SLC26A5: variants seen among roughly 807,000 people sequenced by gnomAD.
SLC26A5 encodes prestin.
A neutral mutation model predicts 81.0 loss-of-function variants in SLC26A5; 51 were observed. The observed-to-expected ratio is 0.63, with a 90% CI of 0.50 to 0.80. The LOEUF (loss-of-function observed/expected upper bound fraction) is 0.80, where lower values mean the gene tolerates loss of function less well. SLC26A5 is among the 30% of genes least tolerant of loss of function. The probability of loss-of-function intolerance (pLI) is 0.00; values close to 1 mark genes in which losing one functional copy is unlikely to be tolerated. For synonymous variants in SLC26A5, 325 were observed against 332.8 expected, an observed-to-expected ratio of 0.98 and a Z score of 0.25; for missense variants, 771 against 905.8, an observed-to-expected ratio of 0.85 and a Z score of 1.91.
intron 14 of SLC26A5, among the ~76,000 whole-genome samples, chr7:103,384,310 G>A (rs1169505289): frequency 1.3e-5 from 2 of 151,544 alleles, no homozygotes; most frequent in African/African-American, 4.8e-5. Flanking sequence ...TTTTGAAGAT[G>A]GATTATAAAA....
chr7:103,437,040 A>G (rs1826501673), intron 2 of SLC26A5, among the ~76,000 whole-genome samples: 1 of 152,234 alleles, frequency 6.6e-6, no homozygotes, highest in African/African-American at 2.4e-5. Flanking sequence ...CACACATCTG[A>G]CAAGTGCTTA....
At chr7:103,416,027 T>G (rs887162295) in intron 4 of SLC26A5, among the ~76,000 whole-genome samples, 2 of 152,200 alleles carry the variant, frequency 1.3e-5, no homozygotes, top group African/African-American at 4.8e-5. Context: ...CAACCCTGAC[T>G]AAATATTTAT....
chr7:103,424,125 CAG>C (rs1158169550), intron 2 of SLC26A5, among the ~76,000 whole-genome samples: 1 of 152,138 alleles, frequency 6.6e-6, no homozygotes, highest in African/African-American at 2.4e-5. Flanking sequence ...TGTGCCCATC[CAG>C]AGTTTCAATT....
rs1822459230 is a variant in SLC26A5, at chr7:103,389,380, A to C, written c.1356T>G (p.Phe452Leu). The change falls in exon 13 of 20, where the codon TTT becomes TTG. Residue 452 changes from phenylalanine (F) to leucine (L), a missense_variant. Physicochemically the swap from Phe to Leu is conservative, Grantham distance 22. Coordinates refer to ENST00000306312, the MANE Select transcript of SLC26A5 (RefSeq NM_198999.3). ...AIVIVNLKGMFMQFSDLPFFW... is the reference protein window; with the variant it reads ...AIVIVNLKGMLMQFSDLPFFW... Reference sequence around the variant, plus strand: ...AAAAGGGGAGATCTGAGAACTGCATAAACATTCCCTTCAGGTTGACAATCA... The same window carrying C: ...AAAAGGGGAGATCTGAGAACTGCATCAACATTCCCTTCAGGTTGACAATCA... 1 of 1,614,038 alleles carries C rather than the reference A, an allele frequency of 6.2e-7. No homozygotes were observed. The highest frequency in any genetic ancestry group is 1.7e-5 in the Admixed American group (1 of 59,998).
intron 2 of SLC26A5, among the ~76,000 whole-genome samples, chr7:103,425,018 G>C (rs570574643): frequency 6.6e-6 from 1 of 152,220 alleles, no homozygotes; most frequent in African/African-American, 2.4e-5. Flanking sequence ...TAGCATAGCA[G>C]AGAAAACACT....
intron 11 of SLC26A5, among the ~76,000 whole-genome samples, chr7:103,390,985 C>T: frequency 6.6e-6 from 1 of 151,998 alleles, no homozygotes; most frequent in East Asian, 1.9e-4. Flanking sequence ...CCCGCCTCAG[C>T]CTCCCAAGTA....
At chr7:103,375,683 C>G (rs1290984787) in intron 19 of SLC26A5, among the ~76,000 whole-genome samples, 3 of 152,128 alleles carry the variant, frequency 2.0e-5, no homozygotes, top group Admixed American at 1.3e-4. Context: ...ATCCTCCTAC[C>G]TTGGCCTCCC....
At position 103,421,384 on chromosome 7, in the gene SLC26A5, T is replaced by A; in HGVS notation, c.131A>T (p.Asp44Val). Residue 44 changes from aspartate (D) to valine (V), a missense_variant, in exon 3 of 20, where the codon GAT becomes GTT. Physicochemically the swap from Asp to Val is radical, Grantham distance 152. Coordinates refer to ENST00000306312, the MANE Select transcript of SLC26A5 (RefSeq NM_198999.3). ...TKDKVPDSIA[D>V]KLKQAFTCTP... ...GTACGTGAATGCCTGTTTCAGCTTA[T>A]CCGCAATGGAATCAGGAACCTTGTC... 1 of 1,614,080 alleles carries A rather than the reference T, an allele frequency of 6.2e-7. No homozygotes were observed. Among genetic ancestry groups the A allele is most frequent in the Non-Finnish European group, 8.5e-7 (1 of 1,179,974 alleles).
intron 19 of SLC26A5, chr7:103,362,004 T>C: frequency 6.2e-7 from 1 of 1,613,912 alleles, no homozygotes; most frequent in Non-Finnish European, 8.5e-7. Context: ...AAATACATTA[T>C]CAACGTAAAG....
intron 9 of SLC26A5, among the ~76,000 whole-genome samples, chr7:103,397,673 C>G (rs1396340670): frequency 1.4e-5 from 2 of 147,678 alleles, no homozygotes; most frequent in African/African-American, 5.0e-5. Flanking sequence ...GCAGAGAAGG[C>G]GCCACTGCAC....
Position 103,367,639 on chromosome 7 carries a change from GA to G in SLC26A5, c.2041+9168del, listed in dbSNP as rs747103412. On this transcript the variant is annotated intron_variant, in intron 19 of 19. Transcript: ENST00000339444. The surrounding 1 kb of genome is among the most constrained non-coding windows in gnomAD (Gnocchi z 6.1). ...AGGTAAGAAAACCATTTCATTTTAG[GA>G]AAGGGATTTTTGAAGTTTTTTCTTC... 2.7e-5 allele frequency: 44 copies of G among 1,609,992 alleles called. 1 individual carries two copies. In the South Asian group the frequency reaches 4.9e-4, roughly 18 times the overall value.
intron 19 of SLC26A5, chr7:103,353,976 C>G (rs1254318600): frequency 1.0e-5 from 16 of 1,554,926 alleles, no homozygotes; most frequent in Non-Finnish European, 1.2e-5. Context: ...CTTTCAGTGT[C>G]TACAAACTAT....
chr7:103,421,402 A>G lies in SLC26A5; in HGVS notation c.113T>C (p.Val38Ala). ...CAGCTTATCCGCAATGGAATCAGGA[A>G]CCTTGTCCTTTGTGTGTAGTCTTTC... Reference protein sequence around the residue: ...LQERLHTKDKVPDSIADKLKQ... With the variant: ...LQERLHTKDKAPDSIADKLKQ... The change falls in exon 3 of 20, where the codon GTT becomes GCT. Residue 38 changes from valine to alanine, a missense_variant. Transcript: ENST00000306312. 1.2e-6 allele frequency: 2 copies of G among 1,614,102 alleles called. No individual in the cohort carries two copies. The highest frequency in any genetic ancestry group is 2.2e-5 in the South Asian group (2 of 91,090).
At chr7:103,414,963 T>TTTA (rs1169093598) in intron 4 of SLC26A5, among the ~76,000 whole-genome samples, 4 of 152,166 alleles carry the variant, frequency 2.6e-5, no homozygotes, top group African/African-American at 9.7e-5. Flanking sequence ...TCATATATTC[T>TTTA]GTTAAAGTGA....
chr7:103,355,880 A>G, intron 19 of SLC26A5: 1 of 894,620 alleles, frequency 1.1e-6, no homozygotes, highest in Non-Finnish European at 1.6e-6. Flanking sequence ...GCAATAGTTC[A>G]TAAATAATTT....
At chr7:103,354,629 T>C (rs1164130247) in intron 19 of SLC26A5, among the ~76,000 whole-genome samples, 4 of 152,026 alleles carry the variant, frequency 2.6e-5, no homozygotes, top group Non-Finnish European at 5.9e-5. Flanking sequence ...CTCCGCCCCC[T>C]AAAGTGCAGG....
At chr7:103,410,918 C>G (rs367738859) in intron 6 of SLC26A5, among the ~76,000 whole-genome samples, 4 of 152,066 alleles carry the variant, frequency 2.6e-5, no homozygotes, top group African/African-American at 7.2e-5. Context: ...TGTGAGCCAC[C>G]GCGCCCAGCC....
intron 19 of SLC26A5, among the ~76,000 whole-genome samples, chr7:103,358,408 G>A (rs144394763): frequency 1.3e-3 from 197 of 152,126 alleles, no homozygotes; most frequent in African/African-American, 4.5e-3. Context: ...CTTTCCTTCC[G>A]TTTTCTTGGA....
At chr7:103,443,014 C>T (rs1562819299) in intron 2 of SLC26A5, 69 bp downstream of exon 2, 1 of 152,218 alleles carries the variant, frequency 6.6e-6, no homozygotes, top group Non-Finnish European at 1.5e-5. Flanking sequence ...ATCCTTTGAT[C>T]TGGATAAAAT....
Sources: allele counts gnomAD v4.1 joint callset (sites outside exome capture counted in the v4.1 genomes callset), GRCh38; gene constraint gnomAD v4.1.1; non-coding constraint Gnocchi (gnomAD v3.1); transcripts MANE v1.5; gene names NCBI Gene and HGNC (gene_info 2026-07-23, HGNC 2026-07-21).